The following HPGDS variants were observed in gnomAD, a reference collection of about 807,000 sequenced individuals.
The protein encoded by HPGDS is GST class-sigma.
HPGDS carries 26 observed loss-of-function variants against 23.1 expected under a neutral mutation model. The ratio of observed to expected loss-of-function variants is 1.13; its 90% CI spans 0.83 to 1.56. The LOEUF (loss-of-function observed/expected upper bound fraction) is 1.56, where lower values mean the gene tolerates loss of function less well. Among genes scored for constraint, HPGDS ranks in the 40% most tolerant of loss-of-function variants. The pLI is 0.00. For missense variants in HPGDS, 268 were observed against 236.4 expected, an observed-to-expected ratio of 1.13 and a Z score of -0.88; for synonymous variants, 95 against 77.9, an observed-to-expected ratio of 1.22 and a Z score of -1.16.
At chr4:94,310,517 A>G (rs918895842) in intron 3 of HPGDS, among the ~76,000 whole-genome samples, 8 of 152,156 alleles carry the variant, frequency 5.3e-5, no homozygotes, top group Non-Finnish European at 1.0e-4. Context: ...TACCAGTACC[A>G]TGCTGTTTTG....
intron 2 of HPGDS, among the ~76,000 whole-genome samples, chr4:94,322,511 A>G (rs1756535586): frequency 6.6e-6 from 1 of 152,122 alleles, no homozygotes; most frequent in Non-Finnish European, 1.5e-5. Flanking sequence ...GTGTCCAGCA[A>G]TTTATCCAGT....
chr4:94,320,264 TG>T (rs1476934870), intron 2 of HPGDS, among the ~76,000 whole-genome samples: 1 of 152,212 alleles, frequency 6.6e-6, no homozygotes, highest in Non-Finnish European at 1.5e-5. Context: ...TATAATCCTT[TG>T]GGTATATGCC....
intron 3 of HPGDS, among the ~76,000 whole-genome samples, chr4:94,313,762 C>A (rs1337209027): frequency 6.6e-6 from 1 of 152,232 alleles, no homozygotes; most frequent in Non-Finnish European, 1.5e-5. Context: ...CTCCCCATCA[C>A]TTTCAGGTAC....
intron 1 of HPGDS, among the ~76,000 whole-genome samples, chr4:94,334,912 G>T (rs1223641110): frequency 6.6e-6 from 1 of 152,124 alleles, no homozygotes; most frequent in Non-Finnish European, 1.5e-5. Flanking sequence ...GATTAAGAGG[G>T]TAACTACACC....
Position 94,340,309 on chromosome 4 carries a change from CTCTTT to C in HPGDS, c.-10+2481_-10+2485del, listed in dbSNP as rs1721123386. Among the ~76,000 whole-genome samples, 27 of 28,794 alleles carry C rather than the reference CTCTTT, an allele frequency of 9.4e-4. 2 individuals carry two copies. The highest frequency in any genetic ancestry group is 2.2e-3 in the African/African-American group (18 of 8,282). The allele number at this position is 28,794 out of a possible 152,430, so 18.9% of individuals were successfully genotyped here. On this transcript the variant is annotated intron_variant, in intron 1 of 5. Transcript: ENST00000295256. ...TCTTTCTTTCTTTCTTTCTTTCTTT[CTCTTT>C]TTTTTTTTTTTTTTTTTTTTTTTTT...
At chr4:94,319,119 C>A (rs1203725530) in intron 2 of HPGDS, among the ~76,000 whole-genome samples, 1 of 152,164 alleles carries the variant, frequency 6.6e-6, no homozygotes, top group Non-Finnish European at 1.5e-5. Flanking sequence ...CTGTCCAGTG[C>A]TGACAGGGAA....
Position 94,308,702 on chromosome 4 carries a change from C to T in HPGDS, c.268G>A (p.Ala90Thr). The T allele has an allele frequency of 6.2e-7, 1 of 1,609,036 alleles. No homozygotes were observed. Among genetic ancestry groups the T allele is most frequent in the Non-Finnish European group, 8.5e-7 (1 of 1,176,482 alleles). ...AAATCATCCAGAGTGTCCACAATAGCATCAACATGACATTGTTCCATTTCT... is the reference window on the plus strand; with the variant it reads ...AAATCATCCAGAGTGTCCACAATAGTATCAACATGACATTGTTCCATTTCT... ...NTEMEQCHVD[A>T]IVDTLDDFMS... The change falls in exon 4 of 6, where the codon GCT becomes ACT. Residue 90 changes from alanine to threonine, a missense_variant. Transcript: ENST00000295256.
chr4:94,306,287 G>A (rs538702887), intron 4 of HPGDS, among the ~76,000 whole-genome samples: 8 of 152,162 alleles, frequency 5.3e-5, no homozygotes, highest in Middle Eastern at 3.4e-3. Flanking sequence ...ACTAGAAGCT[G>A]TAATAAAGAC....
rs1289311926 is a variant in HPGDS at position 94,311,247 on chromosome 4, C to T, written c.227-2504G>A. 3.3e-5 allele frequency among the ~76,000 whole-genome samples: 5 copies of T among 151,910 alleles called. No homozygotes were observed. In the East Asian group the frequency reaches 9.6e-4, roughly 29 times the overall value. The stretch of plus-strand genomic sequence containing the variant: ...AAAGGGAATGCTTCCAGTTTTTGCC[C>T]ATTCAGTATGATATTGGCTGTGGGT... On this transcript the variant is annotated intron_variant, in intron 3 of 5. Coordinates refer to ENST00000295256, the MANE Select transcript of HPGDS (RefSeq NM_014485.3).
At chr4:94,302,065 C>CT (rs1176669262) in intron 5 of HPGDS, 81 bp downstream of exon 5, 22 of 1,009,086 alleles carry the variant, frequency 2.2e-5, no homozygotes, top group South Asian at 3.5e-5. Flanking sequence ...CTATAGGTAA[C>CT]TTTTTTTCAG....
intron 1 of HPGDS, among the ~76,000 whole-genome samples, chr4:94,342,326 T>C (rs1041511055): frequency 2.0e-5 from 3 of 152,140 alleles, no homozygotes; most frequent in Non-Finnish European, 4.4e-5. Context: ...TATCAAAACA[T>C]GGAGATGCTT....
Position 94,325,827 on chromosome 4 carries a change from C to A in HPGDS, c.134-7862G>T, listed in dbSNP as rs1031147632. 1.2e-4 allele frequency among the ~76,000 whole-genome samples: 19 copies of A among 152,274 alleles called. 1 individual carries two copies. The highest frequency in any genetic ancestry group is 4.6e-4 in the African/African-American group (19 of 41,572). ...CTGTCCCAGTGAGATGAACCAGGTACCTCAGTTGGAAATGCAGAAATCACC... is the reference window on the plus strand; with the variant it reads ...CTGTCCCAGTGAGATGAACCAGGTAACTCAGTTGGAAATGCAGAAATCACC... On this transcript the variant is annotated intron_variant, in intron 2 of 5. Transcript: ENST00000295256.
In HPGDS at chr4:94,299,320, GTTTT is replaced by G; in HGVS notation, c.*156_*159del. The G allele has an allele frequency of 1.7e-6, 1 of 598,246 alleles. No individual in the cohort carries two copies. The highest frequency in any genetic ancestry group is 3.3e-5 in the Admixed American group (1 of 30,698). The allele number at this position is 598,246 out of a possible 1,614,324, so 37.1% of individuals were successfully genotyped here. A position where few individuals can be genotyped will look rare whatever the true frequency, so the allele number is the denominator to read the frequency against. On this transcript the variant is annotated 3_prime_UTR_variant, in exon 6 of 6. Coordinates refer to ENST00000295256, the MANE Select transcript of HPGDS (RefSeq NM_014485.3). ...AGAAAAAGATACTGAAGAAAGATTT[GTTTT>G]TATTTTCCTTTTTAAAAATCAGAAT...
At chr4:94,299,999 A>G (rs1471922075) in intron 5 of HPGDS, among the ~76,000 whole-genome samples, 1 of 152,160 alleles carries the variant, frequency 6.6e-6, no homozygotes, top group Admixed American at 6.5e-5. Context: ...CTGTTCTAAA[A>G]TTGCCCTTTA....
intron 2 of HPGDS, among the ~76,000 whole-genome samples, chr4:94,320,953 A>T (rs967281980): frequency 6.6e-6 from 1 of 152,200 alleles, no homozygotes; most frequent in Non-Finnish European, 1.5e-5. Flanking sequence ...GGTGTAAGGA[A>T]GGGATCCAGT....
chr4:94,334,560 A>G lies in HPGDS; in HGVS notation c.70T>C (p.Tyr24His). The change falls in exon 2 of 6, where the codon TAT (tyrosine) becomes CAT (histidine). Residue 24 changes from tyrosine to histidine, a missense_variant. Coordinates refer to ENST00000295256, the MANE Select transcript of HPGDS (RefSeq NM_014485.3). Reference protein sequence around the residue: ...RAEIIRYIFAYLDIQYEDHRI... With the variant: ...RAEIIRYIFAHLDIQYEDHRI... ...TGGTCTTCATACTGTATGTCCAAAT[A>G]AGCAAATATGTAACGAATAATTTCT... is the stretch of plus-strand genomic sequence containing the variant. 1 of 1,613,256 alleles carries G rather than the reference A, an allele frequency of 6.2e-7. No individual in the cohort carries two copies. Among genetic ancestry groups the G allele is most frequent in the East Asian group, 2.2e-5 (1 of 44,796 alleles).
intron 2 of HPGDS, among the ~76,000 whole-genome samples, chr4:94,325,905 A>T (rs1383204765): frequency 6.6e-6 from 1 of 151,910 alleles, no homozygotes; most frequent in African/African-American, 2.4e-5. Context: ...GTTCCTATTC[A>T]GCCATCTTGG....
intron 3 of HPGDS, among the ~76,000 whole-genome samples, chr4:94,315,159 C>T (rs1430259017): frequency 1.5e-5 from 2 of 137,730 alleles, no homozygotes; most frequent in African/African-American, 2.5e-5. Context: ...CACCTACTGT[C>T]TGACAATCCC....
At chr4:94,312,914 C>T (rs1294268564) in intron 3 of HPGDS, among the ~76,000 whole-genome samples, 4 of 152,030 alleles carry the variant, frequency 2.6e-5, no homozygotes, top group Non-Finnish European at 5.9e-5. Flanking sequence ...CTCTTTTGAT[C>T]TTTGTTGGTT....
Sources: allele counts gnomAD v4.1 joint callset (sites outside exome capture counted in the v4.1 genomes callset), GRCh38; gene constraint gnomAD v4.1.1; transcripts MANE v1.5; gene names NCBI Gene and HGNC (gene_info 2026-07-23, HGNC 2026-07-21).